The following MEF2A variants were observed in gnomAD, a reference collection of about 807,000 sequenced individuals.
The protein encoded by MEF2A is myocyte enhancer factor 2A.
In MEF2A, 28 loss-of-function variants were observed where a neutral mutation model predicts 55.8. The ratio of observed to expected loss-of-function variants is 0.50; its 90% confidence interval spans 0.37 to 0.69. The LOEUF is 0.69. Among genes scored for constraint, MEF2A ranks in the 30% least tolerant of loss-of-function variants. The pLI is 0.00. For synonymous variants in MEF2A, 239 were observed against 227.1 expected (o/e 1.05, Z -0.47); for missense variants, 528 against 626.2 (o/e 0.84, Z 1.67).
chr15:99,602,735 GGT>G (rs1353911137), intron 2 of MEF2A, among the ~76,000 whole-genome samples: 4 of 74,012 alleles, frequency 5.4e-5, no homozygotes, highest in Non-Finnish European at 1.1e-4. Flanking sequence ...TGTGTGGGGG[GGT>G]GGGGGTGGGG....
At chr15:99,585,537 A>G (rs1203204456) in intron 1 of MEF2A, among the ~76,000 whole-genome samples, 1 of 152,186 alleles carries the variant, frequency 6.6e-6, no homozygotes, top group Non-Finnish European at 1.5e-5. Context: ...CAAAACTTCT[A>G]ATTTGGCTTT....
intron 3 of MEF2A, among the ~76,000 whole-genome samples, chr15:99,636,602 G>T (rs565418666): frequency 6.6e-6 from 1 of 152,074 alleles, no homozygotes; most frequent in Non-Finnish European, 1.5e-5. Context: ...GCTTCCCAAA[G>T]CACTAGGATT....
At chr15:99,588,256 A>G (rs1968043346) in intron 1 of MEF2A, among the ~76,000 whole-genome samples, 1 of 151,862 alleles carries the variant, frequency 6.6e-6, no homozygotes, top group South Asian at 2.1e-4. Context: ...ATTTGGGACC[A>G]CAGGCGTGTG....
intron 1 of MEF2A, among the ~76,000 whole-genome samples, chr15:99,573,314 G>GGT (rs1264819882): frequency 2.0e-5 from 3 of 149,234 alleles, no homozygotes; most frequent in Middle Eastern, 3.2e-3. Context: ...AAAAGAAGTT[G>GGT]TCCTAATCAA....
At chr15:99,671,199 G>T in intron 4 of MEF2A, 124 bp from the exon 5 acceptor site, 1 of 987,298 alleles carries the variant, frequency 1.0e-6, no homozygotes, top group South Asian at 2.1e-5. Flanking sequence ...TGATCATTTA[G>T]AAACCGTTTC....
chr15:99,664,430 C>T (rs529543600), intron 4 of MEF2A, among the ~76,000 whole-genome samples: 1 of 152,238 alleles, frequency 6.6e-6, no homozygotes, highest in East Asian at 1.9e-4. Flanking sequence ...AAATAACTCT[C>T]CTTGCAAGCA....
intron 1 of MEF2A, chr15:99,566,572 A>G (rs1488938097): frequency 2.6e-5 from 4 of 151,940 alleles, no homozygotes; most frequent in Admixed American, 6.6e-5. Flanking sequence ...TTGAAAGTTG[A>G]AGGAGTTCTC....
intron 4 of MEF2A, among the ~76,000 whole-genome samples, chr15:99,647,907 A>G (rs1393474496): frequency 1.3e-5 from 2 of 152,148 alleles, no homozygotes; most frequent in African/African-American, 2.4e-5. Context: ...TACTGAGTCA[A>G]CTTTTATTAA....
At chr15:99,641,859 T>G (rs1320817508) in intron 3 of MEF2A, among the ~76,000 whole-genome samples, 1 of 152,224 alleles carries the variant, frequency 6.6e-6, no homozygotes, top group Non-Finnish European at 1.5e-5. Flanking sequence ...TTTACAGATT[T>G]ATTCAACAAA....
intron 4 of MEF2A, among the ~76,000 whole-genome samples, chr15:99,670,880 C>A (rs1377448146): frequency 6.6e-6 from 1 of 152,180 alleles, no homozygotes; most frequent in Non-Finnish European, 1.5e-5. Context: ...GATAAAAACT[C>A]CGATAGGCAG....
At chr15:99,711,949 G>A (rs572803460) in intron 11 of MEF2A, among the ~76,000 whole-genome samples, 1 of 152,346 alleles carries the variant, frequency 6.6e-6, no homozygotes, top group Admixed American at 6.5e-5. Flanking sequence ...GGAAAATGGG[G>A]ATGGTGCGAC....
chr15:99,579,179 C>T lies in MEF2A; in HGVS notation c.-225+13075C>T, dbSNP rs962097179. Among the ~76,000 whole-genome samples the T allele has an allele frequency of 2.0e-5, 3 of 151,946 alleles. No homozygotes were observed. In the East Asian group the frequency reaches 5.8e-4, roughly 29 times the overall value. On this transcript the variant is annotated intron_variant, in intron 1 of 11. Transcript: ENST00000557942. ...GAATTTAGCCACCTTTTAAATTGCTCTTTGTATTTTGTCCATTTAGTTTTT... is the reference window on the plus strand; with the variant it reads ...GAATTTAGCCACCTTTTAAATTGCTTTTTGTATTTTGTCCATTTAGTTTTT...
intron 2 of MEF2A, among the ~76,000 whole-genome samples, chr15:99,631,738 A>G (rs1001574535): frequency 2.6e-5 from 4 of 152,006 alleles, no homozygotes; most frequent in African/African-American, 7.3e-5. Flanking sequence ...TTAATAGGTT[A>G]TCAGTTAATA....
chr15:99,674,492 C>G lies in MEF2A; in HGVS notation c.490C>G (p.Pro164Ala). ...TAACCCAGGGAGTTCACTGGTGTCC[C>G]CATCTTTGGCAGCCAGCTCAACGTT... ...YTNPGSSLVS[P>A]SLAASSTLTD... Residue 164 changes from proline to alanine, a missense_variant, in exon 6 of 12, where the codon CCA becomes GCA. Physicochemically the swap from Pro to Ala is conservative, Grantham distance 27. Around this residue, in one of 2 missense-constraint regions of MEF2A, gnomAD observed 450 missense variants for 475.3 expected, o/e 0.95. Transcript: ENST00000557942. 1 of 1,613,928 alleles carries G rather than the reference C, an allele frequency of 6.2e-7. No individual in the cohort carries two copies. Among genetic ancestry groups the G allele is most frequent in the Non-Finnish European group, 8.5e-7 (1 of 1,179,868 alleles).
chr15:99,607,955 G>A (rs1975757642), intron 2 of MEF2A, among the ~76,000 whole-genome samples: 1 of 152,124 alleles, frequency 6.6e-6, no homozygotes, highest in Non-Finnish European at 1.5e-5. Flanking sequence ...GGAGTTTTGA[G>A]CCATAGTCTT....
intron 2 of MEF2A, among the ~76,000 whole-genome samples, chr15:99,619,276 C>G (rs1215304756): frequency 1.3e-5 from 2 of 152,278 alleles, no homozygotes; most frequent in Admixed American, 6.5e-5. Context: ...CTCAGACTAG[C>G]TGCTCCGAAA....
chr15:99,595,895 G>A (rs555698464), intron 1 of MEF2A, among the ~76,000 whole-genome samples: 3 of 152,322 alleles, frequency 2.0e-5, no homozygotes, highest in African/African-American at 7.2e-5. Flanking sequence ...TCAACGGGTA[G>A]TCGAGGGAGA....
At chr15:99,686,771 G>T (rs1365190127) in intron 7 of MEF2A, among the ~76,000 whole-genome samples, 3 of 152,092 alleles carry the variant, frequency 2.0e-5, no homozygotes, top group African/African-American at 7.2e-5. Context: ...CTCTAGTGAG[G>T]CCAGGGAAGT....
At chr15:99,653,925 G>A (rs1001753002) in intron 4 of MEF2A, among the ~76,000 whole-genome samples, 1 of 151,872 alleles carries the variant, frequency 6.6e-6, no homozygotes, top group Non-Finnish European at 1.5e-5. Flanking sequence ...AATGTATCTC[G>A]AAAACTTTAA....
Sources: gnomAD v4.1 joint callset for allele counts (sites outside exome capture counted in the v4.1 genomes callset) on GRCh38, gnomAD v4.1.1 for gene constraint, gnomAD v4.1.1 regional missense constraint, MANE v1.5 for transcripts, NCBI Gene and HGNC (gene_info 2026-07-23, HGNC 2026-07-21) for gene names.